The following COL11A1 variants were observed in gnomAD, a reference collection of about 807,000 sequenced individuals.
COL11A1 encodes collagen type XI alpha 1 chain.
In COL11A1, 74 loss-of-function variants were observed where a neutral mutation model predicts 265.2. The ratio of observed to expected loss-of-function variants is 0.28; its 90% CI spans 0.23 to 0.34. The LOEUF (loss-of-function observed/expected upper bound fraction) is 0.34. COL11A1 is among the 10% of genes least tolerant of loss of function. The pLI, the probability that COL11A1 is intolerant of heterozygous loss-of-function variation, is 1.00. For synonymous variants in COL11A1, 816 were observed against 727.6 expected (o/e 1.12, Z -1.96); for missense variants, 2,165 against 2,263.6 (o/e 0.96, Z 0.88).
chr1:102,895,420 T>C (rs1433635779), intron 57 of COL11A1, among the ~76,000 whole-genome samples: 1 of 152,168 alleles, frequency 6.6e-6, no homozygotes, highest in Non-Finnish European at 1.5e-5. Flanking sequence ...TTGGTAGCTT[T>C]ATCTCACCAG....
intron 15 of COL11A1, among the ~76,000 whole-genome samples, chr1:103,007,877 A>AG (rs1404769958): frequency 6.6e-6 from 1 of 151,640 alleles, no homozygotes; most frequent in Non-Finnish European, 1.5e-5. Context: ...AAAAAAAAAA[A>AG]AAAAAAAAAG....
Position 102,898,997 on chromosome 1 carries a change from A to T in COL11A1, c.4087-3T>A. Reference sequence around the variant, plus strand: ...GCACCTGCAGCTCCAGGAGGACCCTATAGACATAAGATTTATTGTAAAATA... The same window carrying T: ...GCACCTGCAGCTCCAGGAGGACCCTTTAGACATAAGATTTATTGTAAAATA... On this transcript the variant is annotated splice_region_variant and splice_polypyrimidine_tract_variant and intron_variant, in intron 54 of 66. Transcript: ENST00000370096. The T allele has an allele frequency of 6.5e-7, 1 of 1,532,802 alleles. No individual in the cohort carries two copies. Among genetic ancestry groups the T allele is most frequent in the East Asian group, 2.3e-5 (1 of 42,868 alleles). The allele number at this position is 1,532,802 out of a possible 1,614,324, so 95.0% of individuals were successfully genotyped here. A position where few individuals can be genotyped will look rare whatever the true frequency, so the allele number is the denominator to read the frequency against.
intron 4 of COL11A1, among the ~76,000 whole-genome samples, chr1:103,047,206 C>T (rs924049840): frequency 1.3e-5 from 2 of 152,158 alleles, no homozygotes; most frequent in South Asian, 2.1e-4. Context: ...GCAGTATGGC[C>T]AATTTCACGA....
chr1:103,021,146 G>A (rs1161590137), intron 9 of COL11A1, among the ~76,000 whole-genome samples: 2 of 150,486 alleles, frequency 1.3e-5, no homozygotes, highest in South Asian at 2.1e-4. Context: ...CCGCTTCCAA[G>A]TAAGAATCTG....
At chr1:102,897,635 AT>A (rs1652605684) in intron 57 of COL11A1, among the ~76,000 whole-genome samples, 1 of 152,132 alleles carries the variant, frequency 6.6e-6, no homozygotes, top group Non-Finnish European at 1.5e-5. Flanking sequence ...TTGCACACAG[AT>A]TTAATGATAG....
chr1:103,002,850 T>C lies in COL11A1; in HGVS notation c.1999-59A>G, dbSNP rs528390147. Reference sequence around the variant, plus strand: ...TATGTTTTGATGCTAAAACAGAAAATCAAAAAGACTAATCTAATATCATGA... The same window carrying C: ...TATGTTTTGATGCTAAAACAGAAAACCAAAAAGACTAATCTAATATCATGA... On this transcript the variant is annotated intron_variant, in intron 21 of 66. Transcript: ENST00000370096. The C allele has an allele frequency of 3.6e-5, 52 of 1,444,112 alleles. No homozygotes were observed. The East Asian group carries it at 1.1e-3, about 30-fold the overall frequency. The allele number at this position is 1,444,112 out of a possible 1,614,324, so 89.5% of individuals were successfully genotyped here.
chr1:102,967,085 T>C (rs1159611020), intron 37 of COL11A1, among the ~76,000 whole-genome samples: 1 of 152,078 alleles, frequency 6.6e-6, no homozygotes, highest in Non-Finnish European at 1.5e-5. Context: ...AAATACAGCT[T>C]CTTCTCTCTT....
At position 103,107,509 on chromosome 1, in the gene COL11A1, C is replaced by T. The variant is rs1390632876; in HGVS notation, c.106+564G>A. Among the ~76,000 whole-genome samples the T allele has an allele frequency of 2.8e-5, 4 of 144,650 alleles. No individual in the cohort carries two copies. The South Asian group carries it at 9.3e-4, about 33-fold the overall frequency. 94.9% of individuals were successfully genotyped at this position (144,650 alleles called of 152,430 possible). A position where few individuals can be genotyped will look rare whatever the true frequency, so the allele number is the denominator to read the frequency against. ...TTGACCCTCCCCCGCCCCCCAAACACACAGAGTGTTCCTAATCTTCTAGAT... is the reference window on the plus strand; with the variant it reads ...TTGACCCTCCCCCGCCCCCCAAACATACAGAGTGTTCCTAATCTTCTAGAT... On this transcript the variant is annotated intron_variant, in intron 1 of 66. Coordinates refer to ENST00000370096, the MANE Select transcript of COL11A1 (RefSeq NM_001854.4).
At chr1:103,040,387 T>C (rs71664970) in intron 4 of COL11A1, among the ~76,000 whole-genome samples, 1 of 151,724 alleles carries the variant, frequency 6.6e-6, no homozygotes, top group African/African-American at 2.4e-5. Flanking sequence ...TCAGATTATA[T>C]ACTTTTTTGT....
chr1:102,962,935 T>TA (rs1327951562), intron 38 of COL11A1, among the ~76,000 whole-genome samples, 175 bp from the exon 39 acceptor site: 2 of 152,200 alleles, frequency 1.3e-5, no homozygotes, highest in African/African-American at 2.4e-5. Context: ...AGTAAGAGTC[T>TA]AAAAAGATTT....
At chr1:102,995,389 G>A (rs953209882) in intron 28 of COL11A1, among the ~76,000 whole-genome samples, 8 of 151,980 alleles carry the variant, frequency 5.3e-5, no homozygotes, top group Non-Finnish European at 1.0e-4. Flanking sequence ...TGATTTGTGT[G>A]TAATACTATA....
chr1:102,921,712 T>G (rs1041654035), intron 47 of COL11A1, 141 bp from the exon 48 acceptor site: 53 of 688,160 alleles, frequency 7.7e-5, no homozygotes, highest in Non-Finnish European at 1.2e-4. Flanking sequence ...TTATAAGTCA[T>G]CCTTCATGGA....
At chr1:103,057,066 A>T (rs1307682073) in intron 4 of COL11A1, among the ~76,000 whole-genome samples, 1 of 152,160 alleles carries the variant, frequency 6.6e-6, no homozygotes, top group Non-Finnish European at 1.5e-5. Context: ...TCTTCCTTTC[A>T]TAAAAGATTT....
At chr1:103,057,609 T>C (rs1382716976) in intron 4 of COL11A1, among the ~76,000 whole-genome samples, 1 of 152,170 alleles carries the variant, frequency 6.6e-6, no homozygotes, top group African/African-American at 2.4e-5. Context: ...AAGTTGAAAT[T>C]ACTATTGATC....
At chr1:103,046,778 T>C (rs531226452) in intron 4 of COL11A1, among the ~76,000 whole-genome samples, 26,418 of 150,702 alleles carry the variant, frequency 0.18, 2,381 homozygotes, top group Middle Eastern at 0.2. Flanking sequence ...GAATTGATTT[T>C]TGTATAAGGT....
chr1:102,964,482 G>T (rs1661207704), intron 38 of COL11A1, among the ~76,000 whole-genome samples: 1 of 151,808 alleles, frequency 6.6e-6, no homozygotes, highest in Non-Finnish European at 1.5e-5. Flanking sequence ...CTTGCCTCAG[G>T]GTTAACCTCT....
At chr1:102,934,684 CTGAA>C (rs1159967812) in intron 45 of COL11A1, 128 bp from the exon 46 acceptor site, 4 of 752,798 alleles carry the variant, frequency 5.3e-6, no homozygotes, top group Non-Finnish European at 9.3e-6. Flanking sequence ...AAAAAGTAGA[CTGAA>C]TGCCCATTAT....
intron 4 of COL11A1, among the ~76,000 whole-genome samples, chr1:103,033,442 C>A (rs1417697730): frequency 2.6e-5 from 4 of 151,932 alleles, no homozygotes; most frequent in African/African-American, 9.7e-5. Context: ...TACTTTATTA[C>A]AACCTTTTTC....
In COL11A1 at chr1:102,946,881, G is replaced by A; in HGVS notation, c.3244C>T (p.Pro1082Ser). The A allele has an allele frequency of 1.2e-6, 2 of 1,613,580 alleles. No homozygotes were observed. The highest frequency in any genetic ancestry group is 1.7e-6 in the Non-Finnish European group (2 of 1,179,864). ...CCTTTCTCTCCAGCTGGACCAGGAG[G>A]ACCCTGAGGTCCCGGGCGCCCTGGT... ...GLPGRPGPQG[P>S]PGPAGEKGAP... is the part of the protein sequence containing the mutation. Residue 1082 changes from proline (P) to serine (S), a missense_variant, in exon 42 of 67, where the codon CCT (proline) becomes TCT (serine). Pro to Ser is a moderately conservative substitution (Grantham distance 74). Coordinates refer to ENST00000370096, the MANE Select transcript of COL11A1 (RefSeq NM_001854.4).
Sources: allele counts gnomAD v4.1 joint callset (sites outside exome capture counted in the v4.1 genomes callset), GRCh38; gene constraint gnomAD v4.1.1; transcripts MANE v1.5; gene names NCBI Gene and HGNC (gene_info 2026-07-23, HGNC 2026-07-21).